The following TSPAN9 variants were observed in gnomAD, a reference collection of about 807,000 sequenced individuals.
The protein encoded by TSPAN9 is tetraspanin 9, also known as tetraspanin-9.
TSPAN9 carries 16 observed loss-of-function variants against 31.0 expected under a neutral mutation model. The ratio of observed to expected loss-of-function variants is 0.52; its 90% CI spans 0.35 to 0.78. TSPAN9 has a LOEUF of 0.78. Ranked by LOEUF, TSPAN9 falls within the 30% of genes least tolerant of loss-of-function variation. TSPAN9 has a pLI of 0.01. For missense variants in TSPAN9, 272 were observed against 312.5 expected (o/e 0.87, Z 0.98); for synonymous variants, 145 against 121.6 (o/e 1.19, Z -1.27).
chr12:3,178,928 T>A (rs1260279307), intron 2 of TSPAN9, among the ~76,000 whole-genome samples: 2 of 152,152 alleles, frequency 1.3e-5, no homozygotes, highest in Non-Finnish European at 2.9e-5. Context: ...CCATCCCCCT[T>A]GGTCCCCATC....
Position 3,170,285 on chromosome 12 carries a change from C to T in TSPAN9, c.-17-30892C>T, listed in dbSNP as rs1031031107. 2.0e-5 allele frequency among the ~76,000 whole-genome samples: 3 copies of T among 152,144 alleles called. No homozygotes were observed. Among genetic ancestry groups the T allele is most frequent in the African/African-American group, 7.2e-5 (3 of 41,420 alleles). ...ATCCCTGCCAGGGCTCAGTATTTTC[C>T]TTCCTTTTCCATGGAGACAGATTTT... On this transcript the variant is annotated intron_variant, in intron 2 of 8. Transcript: ENST00000011898. This position sits in a 1 kb window ranked among gnomAD's most constrained non-coding sequence, Gnocchi z 4.4.
chr12:3,167,424 G>A (rs1460558935), intron 2 of TSPAN9, among the ~76,000 whole-genome samples: 5 of 152,234 alleles, frequency 3.3e-5, no homozygotes, highest in Non-Finnish European at 2.9e-5. Flanking sequence ...CTTGAGTGCA[G>A]TATTGATCAG....
chr12:3,275,592 G>A (rs1213430696), intron 3 of TSPAN9, among the ~76,000 whole-genome samples: 3 of 152,288 alleles, frequency 2.0e-5, no homozygotes, highest in African/African-American at 7.2e-5. Flanking sequence ...CATCGCTGGC[G>A]AACCCAGAGC....
intron 2 of TSPAN9, among the ~76,000 whole-genome samples, chr12:3,169,632 G>A (rs2098350629): frequency 6.6e-6 from 1 of 152,234 alleles, no homozygotes; most frequent in Non-Finnish European, 1.5e-5. Flanking sequence ...AGCACCCTAG[G>A]CATCAGTCTG....
At chr12:3,198,533 C>T (rs369980006) in intron 2 of TSPAN9, among the ~76,000 whole-genome samples, 3 of 104,452 alleles carry the variant, frequency 2.9e-5, no homozygotes, top group African/African-American at 9.6e-5. Context: ...CCAGCACAGG[C>T]CACCACCAGC....
chr12:3,138,241 A>G (rs2098332985), intron 2 of TSPAN9, among the ~76,000 whole-genome samples: 1 of 152,114 alleles, frequency 6.6e-6, no homozygotes, highest in Non-Finnish European at 1.5e-5. Flanking sequence ...GGAATGAGGC[A>G]TCTCCTTAGT....
chr12:3,249,709 C>T (rs1039492479), intron 3 of TSPAN9, among the ~76,000 whole-genome samples: 1 of 152,184 alleles, frequency 6.6e-6, no homozygotes, highest in Non-Finnish European at 1.5e-5. Context: ...CCACATCATC[C>T]CTCCAGGGCA....
chr12:3,152,813 C>T (rs2098340474), intron 2 of TSPAN9, among the ~76,000 whole-genome samples: 1 of 152,212 alleles, frequency 6.6e-6, no homozygotes, highest in Non-Finnish European at 1.5e-5. Context: ...GTCTTGAACT[C>T]CTGACCTCAG....
intron 2 of TSPAN9, among the ~76,000 whole-genome samples, chr12:3,183,608 T>C (rs1010699434): frequency 6.6e-6 from 1 of 152,138 alleles, no homozygotes; most frequent in East Asian, 1.9e-4. Flanking sequence ...CCACAGAGCA[T>C]TCACAGGGCA....
intron 3 of TSPAN9, chr12:3,211,713 C>T (rs2098378818): frequency 1.9e-6 from 3 of 1,596,178 alleles, no homozygotes; most frequent in South Asian, 1.1e-5. Flanking sequence ...CTTGCTTTTC[C>T]TCCTGTAGGC....
chr12:3,205,399 G>A (rs544359291), intron 3 of TSPAN9, among the ~76,000 whole-genome samples: 7 of 152,362 alleles, frequency 4.6e-5, no homozygotes, highest in African/African-American at 1.7e-4. Flanking sequence ...CCTTAAGTGA[G>A]GTCAGGGCCC....
At chr12:3,252,819 G>C (rs1046660531) in intron 3 of TSPAN9, among the ~76,000 whole-genome samples, 8 of 152,230 alleles carry the variant, frequency 5.3e-5, no homozygotes, top group Admixed American at 1.3e-4. Context: ...GAGTGAGCGG[G>C]CTGCTGGGGG....
At chr12:3,128,604 G>GC (rs1263553389) in intron 2 of TSPAN9, among the ~76,000 whole-genome samples, 1 of 152,058 alleles carries the variant, frequency 6.6e-6, no homozygotes, top group Non-Finnish European at 1.5e-5. Flanking sequence ...ATTACCCATA[G>GC]CCCCCCAAGA....
intron 3 of TSPAN9, among the ~76,000 whole-genome samples, chr12:3,203,627 A>G (rs989211522): frequency 6.6e-6 from 1 of 152,200 alleles, no homozygotes; most frequent in African/African-American, 2.4e-5. Context: ...GACTTTTCTG[A>G]TTACTTAATA....
chr12:3,092,693 A>T (rs1383404516), intron 2 of TSPAN9, among the ~76,000 whole-genome samples: 1 of 152,024 alleles, frequency 6.6e-6, no homozygotes, highest in African/African-American at 2.4e-5. Flanking sequence ...CATCCACCTT[A>T]CCCACTGCTT....
At chr12:3,179,117 A>G (rs1437490053) in intron 2 of TSPAN9, among the ~76,000 whole-genome samples, 1 of 152,138 alleles carries the variant, frequency 6.6e-6, no homozygotes, top group Non-Finnish European at 1.5e-5. Flanking sequence ...AGGAGCTGGA[A>G]ATAGGCTGCG....
chr12:3,081,889 TC>T (rs2098298122), intron 1 of TSPAN9, among the ~76,000 whole-genome samples: 1 of 141,944 alleles, frequency 7.0e-6, no homozygotes, highest in Admixed American at 7.1e-5. Flanking sequence ...GGACCTATGG[TC>T]CCAGCTGGAG....
At chr12:3,098,734 G>GT (rs796407160) in intron 2 of TSPAN9, among the ~76,000 whole-genome samples, 49 of 141,980 alleles carry the variant, frequency 3.5e-4, no homozygotes, top group East Asian at 8.2e-4. Context: ...ATATGGCATT[G>GT]TTTTTTTTTT....
At position 3,089,148 on chromosome 12, in the gene TSPAN9, C is replaced by T. The variant is rs946822254; in HGVS notation, c.-18+5429C>T. 1.2e-4 allele frequency among the ~76,000 whole-genome samples: 18 copies of T among 150,314 alleles called. 1 individual carries two copies. Among genetic ancestry groups the T allele is most frequent in the Non-Finnish European group, 2.1e-4 (14 of 67,630 alleles). ...TCGGGAGGCTGAGGCAGGAGAATGGCATGAACCTGGGAGGTGGAGCTTGCA... is the reference window on the plus strand; with the variant it reads ...TCGGGAGGCTGAGGCAGGAGAATGGTATGAACCTGGGAGGTGGAGCTTGCA... On this transcript the variant is annotated intron_variant, in intron 2 of 8. Coordinates refer to ENST00000011898, the MANE Select transcript of TSPAN9 (RefSeq NM_006675.5).
Sources: allele counts gnomAD v4.1 joint callset (sites outside exome capture counted in the v4.1 genomes callset), GRCh38; gene constraint gnomAD v4.1.1; non-coding constraint Gnocchi (gnomAD v3.1); transcripts MANE v1.5; gene names NCBI Gene and HGNC (gene_info 2026-07-23, HGNC 2026-07-21).